Variants in SH3PXD2A observed in about 807,000 individuals in gnomAD.
SH3PXD2A encodes SH3 and PX domains 2A.
Under a neutral mutation model 115.2 loss-of-function variants are expected in SH3PXD2A, and 32 were observed. The observed-to-expected ratio is 0.28, with a 90% CI of 0.21 to 0.37. The LOEUF (loss-of-function observed/expected upper bound fraction) is 0.37. Among genes scored for constraint, SH3PXD2A ranks in the 10% least tolerant of loss-of-function variants. The pLI is 1.00. For synonymous variants in SH3PXD2A, 610 were observed against 629.1 expected, an observed-to-expected ratio of 0.97 and a Z score of 0.45; for missense variants, 1,328 against 1,498.7, an observed-to-expected ratio of 0.89 and a Z score of 1.88.
At chr10:103,763,543 C>G (rs1290378341) in intron 3 of SH3PXD2A, among the ~76,000 whole-genome samples, 1 of 152,208 alleles carries the variant, frequency 6.6e-6, no homozygotes, top group African/African-American at 2.4e-5. Flanking sequence ...GTCACTGCTG[C>G]TGGGGGTGAG....
rs1318916125 is a variant in SH3PXD2A at position 103,620,042 on chromosome 10, AAG to A, written c.802+2426_802+2427del. Among the ~76,000 whole-genome samples, 1 of 152,144 alleles carries A rather than the reference AAG, an allele frequency of 6.6e-6. No individual in the cohort carries two copies. Among genetic ancestry groups the A allele is most frequent in the Admixed American group, 6.5e-5 (1 of 15,286 alleles). On this transcript the variant is annotated intron_variant, in intron 10 of 14. Transcript: ENST00000369774. This position sits in a 1 kb window ranked among gnomAD's most constrained non-coding sequence, Gnocchi z 5.3. ...CTTCCAACTCACAGGTGTCCCAAGGAAGAGAGACTTGCCTGGGCCACAAACCC... is the reference window on the plus strand; with the variant it reads ...CTTCCAACTCACAGGTGTCCCAAGGAAGAGACTTGCCTGGGCCACAAACCC...
intron 1 of SH3PXD2A, among the ~76,000 whole-genome samples, chr10:103,806,347 T>C (rs2039202616): frequency 6.6e-6 from 1 of 152,050 alleles, no homozygotes; most frequent in Non-Finnish European, 1.5e-5. Context: ...CATCCTAGAT[T>C]ATCACTCCAG....
intron 3 of SH3PXD2A, among the ~76,000 whole-genome samples, chr10:103,757,870 TGCCTGGGCTGCG>T (rs1228415004): frequency 6.6e-6 from 1 of 152,194 alleles, no homozygotes; most frequent in Non-Finnish European, 1.5e-5. Flanking sequence ...AGTGAGGCTG[TGCCTGGGCTGCG>T]GCCTGGGCTG....
chr10:103,780,881 G>A lies in SH3PXD2A; in HGVS notation c.154-13712C>T, dbSNP rs536317372. Among the ~76,000 whole-genome samples, 12 of 152,324 alleles carry A rather than the reference G, an allele frequency of 7.9e-5. No homozygotes were observed. The East Asian group carries it at 2.3e-3, about 29-fold the overall frequency. On this transcript the variant is annotated intron_variant, in intron 2 of 14. Transcript: ENST00000369774. ...TTTCATCTTCGGCTTCACACCCTTT[G>A]TTGGCTCTCTGCTGCCTGTGGGACA...
At position 103,662,525 on chromosome 10, in the gene SH3PXD2A, G is replaced by C. The variant is rs955498400; in HGVS notation, c.473-1411C>G. 1.4e-5 allele frequency among the ~76,000 whole-genome samples: 2 copies of C among 144,364 alleles called. 1 individual carries two copies. The highest frequency in any genetic ancestry group is 1.4e-4 in the Admixed American group (2 of 14,122). The allele number at this position is 144,364 out of a possible 152,430, so 94.7% of individuals were successfully genotyped here. On this transcript the variant is annotated intron_variant, in intron 7 of 14. Transcript: ENST00000369774. ...CGCCATTCTCCTGCCTCAGCCTCCC[G>C]AGTAGCTGGGACTACAGGCGCCCGC...
At chr10:103,667,782 C>G (rs2037403691) in intron 7 of SH3PXD2A, among the ~76,000 whole-genome samples, 1 of 152,172 alleles carries the variant, frequency 6.6e-6, no homozygotes, top group Non-Finnish European at 1.5e-5. Flanking sequence ...TGTGTAACAG[C>G]CTCAAAAATG....
intron 6 of SH3PXD2A, among the ~76,000 whole-genome samples, chr10:103,684,564 C>T (rs1365461443): frequency 3.3e-5 from 5 of 151,672 alleles, no homozygotes; most frequent in South Asian, 2.1e-4. Flanking sequence ...TTCATCATGT[C>T]GGTCTTGAAC....
chr10:103,655,804 A>G (rs1304823562), intron 8 of SH3PXD2A, among the ~76,000 whole-genome samples: 1 of 151,174 alleles, frequency 6.6e-6, no homozygotes, highest in African/African-American at 2.4e-5. Flanking sequence ...AAAAGCAAGC[A>G]AAGTCTGTAA....
At chr10:103,628,890 G>A (rs1471993323) in intron 8 of SH3PXD2A, among the ~76,000 whole-genome samples, 9 of 152,152 alleles carry the variant, frequency 5.9e-5, no homozygotes, top group Admixed American at 5.2e-4. Flanking sequence ...CTCCCAGATT[G>A]CCCACTTCTC....
chr10:103,793,786 T>C, intron 2 of SH3PXD2A, among the ~76,000 whole-genome samples: 1 of 152,128 alleles, frequency 6.6e-6, no homozygotes, highest in East Asian at 1.9e-4. Context: ...TCGAACAAAT[T>C]CCCTCAATGA....
chr10:103,601,977 C>A lies in SH3PXD2A; in HGVS notation c.3241G>T (p.Ala1081Ser), dbSNP rs1224789654. Residue 1081 changes from alanine to serine, a missense_variant, in exon 15 of 15, where the codon GCA (alanine) becomes TCA (serine). By Grantham distance (99) the Ala-to-Ser change is moderately conservative. Coordinates refer to ENST00000369774, the MANE Select transcript of SH3PXD2A (RefSeq NM_001394015.1). Reference sequence around the variant, plus strand: ...GTCTCCTCATCCCCCTCGTAGTCTGCGATAGAGACGTACACATCTTTGAGG... The same window carrying A: ...GTCTCCTCATCCCCCTCGTAGTCTGAGATAGAGACGTACACATCTTTGAGG... ...NNLKDVYVSI[A>S]DYEGDEETAG... 1 of 1,613,904 alleles carries A rather than the reference C, an allele frequency of 6.2e-7. No homozygotes were observed. The highest frequency in any genetic ancestry group is 8.5e-7 in the Non-Finnish European group (1 of 1,179,980).
intron 13 of SH3PXD2A, 81 bp downstream of exon 13, chr10:103,611,500 G>A (rs965357245): frequency 9.1e-5 from 119 of 1,301,340 alleles, no homozygotes; most frequent in Middle Eastern, 1.8e-4. Flanking sequence ...AGGCTCTGCC[G>A]CAAGATAGCC....
At chr10:103,792,400 T>G (rs1411920652) in intron 2 of SH3PXD2A, among the ~76,000 whole-genome samples, 1 of 152,162 alleles carries the variant, frequency 6.6e-6, no homozygotes, top group Non-Finnish European at 1.5e-5. Flanking sequence ...AAGAAACTTC[T>G]GTCTCTAGAT....
At chr10:103,708,837 C>T (rs1203467377) in intron 5 of SH3PXD2A, among the ~76,000 whole-genome samples, 1 of 152,134 alleles carries the variant, frequency 6.6e-6, no homozygotes, top group Non-Finnish European at 1.5e-5. Context: ...AGCACCGTGC[C>T]CAGCACATGA....
chr10:103,796,914 T>G (rs994328690), intron 2 of SH3PXD2A, among the ~76,000 whole-genome samples: 1 of 147,274 alleles, frequency 6.8e-6, no homozygotes, highest in Non-Finnish European at 1.5e-5. Context: ...CAGGCTGGAG[T>G]GCAGTGGCGC....
At chr10:103,611,917 G>A (rs914884726) in intron 12 of SH3PXD2A, among the ~76,000 whole-genome samples, 19 of 152,182 alleles carry the variant, frequency 1.2e-4, no homozygotes, top group South Asian at 4.1e-4. Flanking sequence ...TCAGGGTAAC[G>A]GGTGTATAGA....
intron 8 of SH3PXD2A, among the ~76,000 whole-genome samples, chr10:103,660,447 C>T (rs1353887412): frequency 6.6e-6 from 1 of 152,224 alleles, no homozygotes; most frequent in East Asian, 1.9e-4. Flanking sequence ...TTTCCAGGTC[C>T]TGGGGCCTCC....
In SH3PXD2A at chr10:103,612,896, G is replaced by A; in HGVS notation, c.1215C>T (p.Gly405=). Residue 405 remains glycine (G), a synonymous_variant, in exon 12 of 15, where the codon GGC becomes GGT. Coordinates refer to ENST00000369774, the MANE Select transcript of SH3PXD2A (RefSeq NM_001394015.1). ...GGGCAATCCTGGCCACAGCTGGAGA[G>A]CCCTGGGCCAGCCTGGAGACAGTCC... ...PDRTVSRLAQ[G]SPAVARIAPQ... is the part of the protein sequence containing the mutation. The A allele has an allele frequency of 6.2e-7, 1 of 1,604,006 alleles. No individual in the cohort carries two copies. Among genetic ancestry groups the A allele is most frequent in the Non-Finnish European group, 8.5e-7 (1 of 1,175,458 alleles).
chr10:103,764,561 A>G (rs1174706952), intron 3 of SH3PXD2A, among the ~76,000 whole-genome samples: 1 of 152,188 alleles, frequency 6.6e-6, no homozygotes, highest in East Asian at 1.9e-4. Flanking sequence ...GACTTTTCCC[A>G]GTAGGTGACG....
Sources: allele counts gnomAD v4.1 joint callset (sites outside exome capture counted in the v4.1 genomes callset), GRCh38; gene constraint gnomAD v4.1.1; non-coding constraint Gnocchi (gnomAD v3.1); transcripts MANE v1.5; gene names NCBI Gene and HGNC (gene_info 2026-07-23, HGNC 2026-07-21).